Variants in RFESD observed in about 807,000 individuals in gnomAD.
RFESD encodes Rieske domain-containing protein.
A neutral mutation model predicts 24.4 loss-of-function variants in RFESD; 16 were observed. The ratio of observed to expected loss-of-function variants is 0.66; its 90% CI spans 0.44 to 1.00. The LOEUF (loss-of-function observed/expected upper bound fraction) is 1.00, where lower values mean the gene tolerates loss of function less well. Ranked by LOEUF, RFESD falls within the 50% of genes least tolerant of loss-of-function variation. RFESD has a pLI of 0.00. For synonymous variants in RFESD, 59 were observed against 81.8 expected (o/e 0.72, Z 1.50); for missense variants, 208 against 247.0 (o/e 0.84, Z 1.06).
In RFESD at chr5:95,656,162, G is replaced by C. The variant is rs1338033371; in HGVS notation, c.486G>C (p.Lys162Asn). The C allele has an allele frequency of 1.8e-5, 29 of 1,613,882 alleles. No homozygotes were observed. Among genetic ancestry groups the C allele is most frequent in the Non-Finnish European group, 2.3e-5 (27 of 1,179,920 alleles). ...CTAAAGATCCATCAGCAAAACCCAA[G>C]TGGTGCTCCAAAGGAATAAAGCAAA... ...INPKDPSAKP[K>N]WCSKGIKQRI... Residue 162 changes from lysine (K) to asparagine (N), a missense_variant, in exon 6 of 6, where the codon AAG (lysine) becomes AAC (asparagine). Physicochemically the swap from Lys to Asn is moderately conservative, Grantham distance 94 (BLOSUM62 0). Transcript: ENST00000380005.
In RFESD at chr5:95,657,848, A is replaced by G. The variant is rs1034479898; in HGVS notation, c.*1539A>G. 6.6e-6 allele frequency: 1 copy of G among 152,176 alleles called. No homozygotes were observed. The highest frequency in any genetic ancestry group is 2.4e-5 in the African/African-American group (1 of 41,452). 9.4% of individuals were successfully genotyped at this position (152,176 alleles called of 1,614,324 possible). Reference sequence around the variant, plus strand: ...AAGGTACATCCCAGTCTATTCTATCATGTGATAATCCTTCAATGCCCAGTC... The same window carrying G: ...AAGGTACATCCCAGTCTATTCTATCGTGTGATAATCCTTCAATGCCCAGTC... On this transcript the variant is annotated 3_prime_UTR_variant, in exon 6 of 6. Transcript: ENST00000380005.
chr5:95,652,130 T>C lies in RFESD; in HGVS notation c.-135-7T>C. The C allele has an allele frequency of 8.8e-7, 1 of 1,132,942 alleles. No individual in the cohort carries two copies. The highest frequency in any genetic ancestry group is 1.2e-6 in the Non-Finnish European group (1 of 843,546). 70.2% of individuals were successfully genotyped at this position (1,132,942 alleles called of 1,614,324 possible). A position where few individuals can be genotyped will look rare whatever the true frequency, so the allele number is the denominator to read the frequency against. The stretch of plus-strand genomic sequence containing the variant: ...TGTGGCCTCATTGCCTGCCTTTTTT[T>C]TTCCAGGTTACCACCTATTTGCAAT... On this transcript the variant is annotated splice_polypyrimidine_tract_variant and splice_region_variant and intron_variant, in intron 1 of 5. Coordinates refer to ENST00000380005, the MANE Select transcript of RFESD (RefSeq NM_001131066.2).
In RFESD at chr5:95,657,717, T is replaced by TG. The variant is rs1750846855; in HGVS notation, c.*1410dup. On this transcript the variant is annotated 3_prime_UTR_variant, in exon 6 of 6. Transcript: ENST00000380005. ...GAGTTTGGATAGCATGAGTAGCACT[T>TG]GGTCCTCATTTCTCAGACAACCAAC... 1 of 152,146 alleles carries TG rather than the reference T, an allele frequency of 6.6e-6. No homozygotes were observed. Among genetic ancestry groups the TG allele is most frequent in the Non-Finnish European group, 1.5e-5 (1 of 68,014 alleles). The allele number at this position is 152,146 out of a possible 1,614,324, so 9.4% of individuals were successfully genotyped here. A position where few individuals can be genotyped will look rare whatever the true frequency, so the allele number is the denominator to read the frequency against.
rs954230965 is a variant in RFESD at position 95,656,145 on chromosome 5, C to G, written c.469C>G (p.Pro157Ala). The G allele has an allele frequency of 6.2e-7, 1 of 1,613,816 alleles. No homozygotes were observed. The highest frequency in any genetic ancestry group is 1.3e-5 in the African/African-American group (1 of 74,916). The change falls in exon 6 of 6, where the codon CCA (proline) becomes GCA (alanine). Residue 157 changes from proline (P) to alanine (A), a missense_variant. Pro to Ala is a conservative substitution (Grantham distance 27, BLOSUM62 -1). Coordinates refer to ENST00000380005, the MANE Select transcript of RFESD (RefSeq NM_001131066.2). Reference sequence around the variant, plus strand: ...GTACCAGTCTATAAACCCTAAAGATCCATCAGCAAAACCCAAGTGGTGCTC... The same window carrying G: ...GTACCAGTCTATAAACCCTAAAGATGCATCAGCAAAACCCAAGTGGTGCTC... ...GLYQSINPKD[P>A]SAKPKWCSKG...
At position 95,654,358 on chromosome 5, in the gene RFESD, A is replaced by T. The variant is rs1485286823; in HGVS notation, c.360A>T (p.Gly120=). Residue 120 remains glycine (G), a synonymous_variant, in exon 5 of 6, where the codon GGA becomes GGT. Transcript: ENST00000380005. ...CYHSGGPLHL[G]DIEDFDGRPC... is the part of the protein sequence containing the mutation. The stretch of plus-strand genomic sequence containing the variant: ...ACTCAGGAGGACCTTTACATTTGGG[A>T]GATATAGAGGTATGTAAAATTAAAT... 1.4e-5 allele frequency: 22 copies of T among 1,603,186 alleles called. No individual in the cohort carries two copies. Among genetic ancestry groups the T allele is most frequent in the Non-Finnish European group, 1.9e-5 (22 of 1,172,314 alleles).
chr5:95,656,000 A>G (rs906964063), intron 5 of RFESD, 46 bp from the exon 6 acceptor site: 2 of 1,576,794 alleles, frequency 1.3e-6, no homozygotes, highest in South Asian at 1.2e-5. Context: ...GTCTATCAAG[A>G]ACATTTGACA....
intron 2 of RFESD, 116 bp downstream of exon 2, chr5:95,652,447 A>G: frequency 7.6e-7 from 1 of 1,319,632 alleles, no homozygotes; most frequent in Non-Finnish European, 1.0e-6. Context: ...GATGTCTCTG[A>G]GATACCTTAA....
chr5:95,652,921 A>G, intron 2 of RFESD, 196 bp from the exon 3 acceptor site: 2 of 679,868 alleles, frequency 2.9e-6, no homozygotes, highest in East Asian at 3.1e-5. Context: ...ATTCTTTCAA[A>G]AAGAAATCAA....
chr5:95,656,603 G>A lies in RFESD; in HGVS notation c.*294G>A. 2 of 192,816 alleles carry A rather than the reference G, an allele frequency of 1.0e-5. No homozygotes were observed. Among genetic ancestry groups the A allele is most frequent in the South Asian group, 1.8e-4 (1 of 5,430 alleles). 11.9% of individuals were successfully genotyped at this position (192,816 alleles called of 1,614,324 possible). A position where few individuals can be genotyped will look rare whatever the true frequency, so the allele number is the denominator to read the frequency against. ...TAAATTTGGAGTAAACAAATAATAGGTAAAAATTAAGGATTAGTAAGAAAA... is the reference window on the plus strand; with the variant it reads ...TAAATTTGGAGTAAACAAATAATAGATAAAAATTAAGGATTAGTAAGAAAA... On this transcript the variant is annotated 3_prime_UTR_variant, in exon 6 of 6. Coordinates refer to ENST00000380005, the MANE Select transcript of RFESD (RefSeq NM_001131066.2).
chr5:95,654,374 A>C lies in RFESD; in HGVS notation c.369+7A>C, dbSNP rs1750591724. On this transcript the variant is annotated splice_region_variant and intron_variant, in intron 5 of 5. Transcript: ENST00000380005. ...ACATTTGGGAGATATAGAGGTATGT[A>C]AAATTAAATTTATTTTCAGCAAATT... 1 of 1,570,070 alleles carries C rather than the reference A, an allele frequency of 6.4e-7. No homozygotes were observed. The highest frequency in any genetic ancestry group is 1.8e-5 in the Admixed American group (1 of 55,676).
intron 3 of RFESD, 100 bp from the exon 4 acceptor site, chr5:95,653,961 C>T (rs1580264079): frequency 3.5e-6 from 3 of 866,180 alleles, no homozygotes; most frequent in South Asian, 3.8e-5. Context: ...CTCCATTAAT[C>T]TTGAAAAGTC....
rs1343730052 is a variant in RFESD at position 95,650,320 on chromosome 5, C to T, written c.-135-1817C>T. ...CTAAGTTTGATGTGTGTAATGCCTT[C>T]TTTTATACATTGAATTCAAAGCCCC... On this transcript the variant is annotated intron_variant, in intron 1 of 5. Transcript: ENST00000380005. Among the ~76,000 whole-genome samples the T allele has an allele frequency of 2.0e-5, 3 of 152,146 alleles. No homozygotes were observed. In the East Asian group the frequency reaches 5.8e-4, roughly 29 times the overall value.
chr5:95,656,317 T>C lies in RFESD; in HGVS notation c.*8T>C, dbSNP rs755375426. ...ATTAAGAGTTCTTCCTGATAAAAAA[T>C]ATATAGAAATGAAAAATGTTGTGTA... On this transcript the variant is annotated 3_prime_UTR_variant, in exon 6 of 6. Coordinates refer to ENST00000380005, the MANE Select transcript of RFESD (RefSeq NM_001131066.2). 6.3e-7 allele frequency: 1 copy of C among 1,589,630 alleles called. No homozygotes were observed. The highest frequency in any genetic ancestry group is 1.1e-5 in the South Asian group (1 of 88,042).
chr5:95,651,173 A>C (rs1750317730), intron 1 of RFESD, among the ~76,000 whole-genome samples: 1 of 151,966 alleles, frequency 6.6e-6, no homozygotes, highest in Non-Finnish European at 1.5e-5. Flanking sequence ...ACTTGAGTGG[A>C]ATTACAATGC....
In RFESD at chr5:95,654,236, C is replaced by T. The variant is rs201431511; in HGVS notation, c.334C>T (p.His112Tyr). 2.4e-5 allele frequency: 39 copies of T among 1,610,844 alleles called. No individual in the cohort carries two copies. Among genetic ancestry groups the T allele is most frequent in the African/African-American group, 1.2e-4 (9 of 74,670 alleles). Residue 112 changes from histidine to tyrosine, a missense_variant and splice_region_variant, in exon 4 of 6, where the codon CAC (histidine) becomes TAC (tyrosine). His to Tyr is a moderately conservative substitution (Grantham distance 83). Coordinates refer to ENST00000380005, the MANE Select transcript of RFESD (RefSeq NM_001131066.2). The part of the protein sequence containing the change: ...EYHAMDIRCY[H>Y]SGGPLHLGDI... ...TCATGCTATGGATATTCGCTGTTAC[C>T]GTAAGATTTTATTTTTCATTTGTAA...
rs779461093 is a variant in RFESD at position 95,656,333 on chromosome 5, A to T, written c.*24A>T. ...GATAAAAAATATATAGAAATGAAAA[A>T]TGTTGTGTATGCTTGAAAACATTTT... On this transcript the variant is annotated 3_prime_UTR_variant, in exon 6 of 6. Transcript: ENST00000380005. 1.3e-6 allele frequency: 2 copies of T among 1,557,086 alleles called. No homozygotes were observed. Among genetic ancestry groups the T allele is most frequent in the Admixed American group, 3.6e-5 (2 of 55,188 alleles).
chr5:95,654,049 A>G lies in RFESD; in HGVS notation c.159-12A>G, dbSNP rs371559749. The G allele has an allele frequency of 8.7e-6, 14 of 1,602,434 alleles. No individual in the cohort carries two copies. The highest frequency in any genetic ancestry group is 1.2e-5 in the Non-Finnish European group (14 of 1,176,208). On this transcript the variant is annotated splice_polypyrimidine_tract_variant and intron_variant, in intron 3 of 5. Transcript: ENST00000380005. ...ATACTTCTTGTAACTTTCCTTCTTTATGTTCAACTAGCATGAATCTTGATG... is the reference window on the plus strand; with the variant it reads ...ATACTTCTTGTAACTTTCCTTCTTTGTGTTCAACTAGCATGAATCTTGATG...
At chr5:95,653,004 C>T (rs1750449248) in intron 2 of RFESD, 113 bp from the exon 3 acceptor site, 1 of 1,442,720 alleles carries the variant, frequency 6.9e-7, no homozygotes, top group Admixed American at 2.2e-5. Flanking sequence ...CACAGCACTG[C>T]ACAACCTGGC....
rs1240383614 is a variant in RFESD, at chr5:95,656,376, A to C, written c.*67A>C. ...AACATTTTTAGAATAACTCTGCTTC[A>C]GTTTTAAAGGTGATGAAATTTTTCA... is the stretch of plus-strand genomic sequence containing the variant. On this transcript the variant is annotated 3_prime_UTR_variant, in exon 6 of 6. Transcript: ENST00000380005. 2 of 1,344,230 alleles carry C rather than the reference A, an allele frequency of 1.5e-6. No individual in the cohort carries two copies. The highest frequency in any genetic ancestry group is 1.0e-6 in the Non-Finnish European group (1 of 977,308). 83.3% of individuals were successfully genotyped at this position (1,344,230 alleles called of 1,614,324 possible). A position where few individuals can be genotyped will look rare whatever the true frequency, so the allele number is the denominator to read the frequency against.
Sources: gnomAD v4.1 joint callset for allele counts (sites outside exome capture counted in the v4.1 genomes callset) on GRCh38, gnomAD v4.1.1 for gene constraint, MANE v1.5 for transcripts, NCBI Gene and HGNC (gene_info 2026-07-23, HGNC 2026-07-21) for gene names.